PRKN: variants seen among roughly 807,000 people sequenced by gnomAD.
PRKN encodes E3 ubiquitin-protein ligase parkin.
PRKN carries 56 observed loss-of-function variants against 59.5 expected under a neutral mutation model. The ratio of observed to expected loss-of-function variants is 0.94; its 90% CI spans 0.76 to 1.18. PRKN has a LOEUF of 1.18. Ranked by LOEUF, PRKN falls within the 50% of genes most tolerant of loss-of-function variation. The pLI, the probability that PRKN is intolerant of heterozygous loss-of-function variation, is 0.00. For synonymous variants in PRKN, 250 were observed against 222.1 expected, an observed-to-expected ratio of 1.13 and a Z score of -1.12; for missense variants, 657 against 596.4, an observed-to-expected ratio of 1.10 and a Z score of -1.06.
chr6:162,670,756 G>T (rs1004709089), intron 1 of PRKN, among the ~76,000 whole-genome samples: 3 of 152,102 alleles, frequency 2.0e-5, no homozygotes, highest in African/African-American at 4.8e-5. Context: ...AAAAATGTAA[G>T]ATTAAATATA....
intron 1 of PRKN, among the ~76,000 whole-genome samples, chr6:162,580,361 C>A (rs1252470131): frequency 6.6e-6 from 1 of 151,478 alleles, no homozygotes; most frequent in Non-Finnish European, 1.5e-5. Context: ...TCACATGAGC[C>A]CAGGAAGGTG....
At chr6:162,643,684 T>G (rs550771421) in intron 1 of PRKN, among the ~76,000 whole-genome samples, 1 of 152,280 alleles carries the variant, frequency 6.6e-6, no homozygotes, top group East Asian at 1.9e-4. Context: ...AATATTAATT[T>G]CATGTTTATT....
At chr6:161,477,378 G>C (rs1445371195) in intron 9 of PRKN, among the ~76,000 whole-genome samples, 1 of 151,966 alleles carries the variant, frequency 6.6e-6, no homozygotes, top group Non-Finnish European at 1.5e-5. Flanking sequence ...TTATCCAGGC[G>C]TGGTGGCACA....
chr6:162,174,132 G>A (rs1409275764), intron 4 of PRKN, among the ~76,000 whole-genome samples: 1 of 152,156 alleles, frequency 6.6e-6, no homozygotes, highest in African/African-American at 2.4e-5. Flanking sequence ...AGTGCATTTT[G>A]TATACAGTTT....
At chr6:162,494,995 A>G (rs1267059435) in intron 1 of PRKN, among the ~76,000 whole-genome samples, 4 of 152,246 alleles carry the variant, frequency 2.6e-5, no homozygotes, top group African/African-American at 9.6e-5. Flanking sequence ...ACTGGAAACC[A>G]TTGATTTCAG....
chr6:161,768,784 T>C (rs771491223), intron 7 of PRKN, among the ~76,000 whole-genome samples: 3 of 152,210 alleles, frequency 2.0e-5, no homozygotes, highest in South Asian at 2.1e-4. Flanking sequence ...ATTACTCATC[T>C]GCAGCCTATT....
In PRKN at chr6:162,144,101, G is replaced by A. The variant is rs562014544; in HGVS notation, c.534+57030C>T. ...AGGCAAAGAAAGGGGCTGGTGATGC[G>A]GCTTGCTATCACAGGCTCTCTCTCA... On this transcript the variant is annotated intron_variant, in intron 4 of 11. Coordinates refer to ENST00000366898, the MANE Select transcript of PRKN (RefSeq NM_004562.3). 1.9e-3 allele frequency among the ~76,000 whole-genome samples: 285 copies of A among 152,258 alleles called. 1 individual carries two copies. Among genetic ancestry groups the A allele is most frequent in the Middle Eastern group, 3.4e-3 (1 of 294 alleles).
intron 1 of PRKN, among the ~76,000 whole-genome samples, chr6:162,555,646 T>A (rs887273204): frequency 4.8e-5 from 7 of 145,904 alleles, no homozygotes; most frequent in African/African-American, 1.2e-4. Flanking sequence ...AAAAAAAAAA[T>A]TTAAGTTTCA....
intron 7 of PRKN, among the ~76,000 whole-genome samples, chr6:161,648,355 T>A (rs1358050523): frequency 6.6e-6 from 1 of 152,168 alleles, no homozygotes; most frequent in African/African-American, 2.4e-5. Flanking sequence ...TTCTGCCCAT[T>A]ATCCCAGTAT....
intron 9 of PRKN, among the ~76,000 whole-genome samples, chr6:161,426,238 A>T (rs567717063): frequency 6.6e-6 from 1 of 152,266 alleles, no homozygotes; most frequent in South Asian, 2.1e-4. Context: ...CAGGGATATG[A>T]TTCTATGCTA....
intron 4 of PRKN, among the ~76,000 whole-genome samples, chr6:162,070,784 T>C (rs942051006): frequency 6.6e-6 from 1 of 152,190 alleles, no homozygotes; most frequent in Non-Finnish European, 1.5e-5. Context: ...AATCTCATGC[T>C]GCCACTGATT....
intron 6 of PRKN, among the ~76,000 whole-genome samples, chr6:161,939,346 C>T (rs928723536): frequency 6.5e-5 from 8 of 122,838 alleles, no homozygotes; most frequent in African/African-American, 9.5e-5. Flanking sequence ...TGAGCCTGGG[C>T]GGTGGAGGTT....
At chr6:161,654,691 A>T (rs1479776233) in intron 7 of PRKN, among the ~76,000 whole-genome samples, 1 of 152,190 alleles carries the variant, frequency 6.6e-6, no homozygotes, top group East Asian at 1.9e-4. Flanking sequence ...CCACGTGTGT[A>T]TCTACGTAGG....
rs180784544 is a variant in PRKN, at chr6:162,057,915, T to C, written c.535-3741A>G. On this transcript the variant is annotated intron_variant, in intron 4 of 11. Transcript: ENST00000366898. ...TCTATTTTATTATATTGAATTCCCATATTCAACAGAGGATTTTAATTATGA... is the reference window on the plus strand; with the variant it reads ...TCTATTTTATTATATTGAATTCCCACATTCAACAGAGGATTTTAATTATGA... Among the ~76,000 whole-genome samples, 640 of 152,284 alleles carry C rather than the reference T, an allele frequency of 4.2e-3. 6 individuals carry two copies. Among genetic ancestry groups the C allele is most frequent in the Middle Eastern group, 0.02 (6 of 294 alleles).
At chr6:162,317,288 T>C (rs1166392147) in intron 2 of PRKN, among the ~76,000 whole-genome samples, 1 of 151,982 alleles carries the variant, frequency 6.6e-6, no homozygotes, top group African/African-American at 2.4e-5. Context: ...ACTGTTCCCA[T>C]GGTAGTGAAT....
At chr6:162,511,644 C>T (rs1019752905) in intron 1 of PRKN, among the ~76,000 whole-genome samples, 1 of 152,044 alleles carries the variant, frequency 6.6e-6, no homozygotes, top group Non-Finnish European at 1.5e-5. Flanking sequence ...AGAGATCATA[C>T]TAATAAAGCC....
At position 162,566,558 on chromosome 6, in the gene PRKN, T is replaced by A. The variant is rs565295206; in HGVS notation, c.8-123085A>T. On this transcript the variant is annotated intron_variant, in intron 1 of 11. Transcript: ENST00000366898. ...AGAAGTGGACAAATTCCTAGATACA[T>A]ACAACCTACCATTATTGAACCAGGC... Among the ~76,000 whole-genome samples the A allele has an allele frequency of 1.8e-4, 27 of 152,212 alleles. 1 individual carries two copies. The South Asian group carries it at 2.5e-3, about 14-fold the overall frequency.
In PRKN at chr6:161,548,128, T is replaced by C. The variant is rs914473540; in HGVS notation, c.1083+726A>G. Among the ~76,000 whole-genome samples the C allele has an allele frequency of 2.0e-5, 3 of 152,234 alleles. No individual in the cohort carries two copies. Among genetic ancestry groups the C allele is most frequent in the Admixed American group, 1.3e-4 (2 of 15,288 alleles). On this transcript the variant is annotated intron_variant, in intron 9 of 11. Transcript: ENST00000366898. This position sits in a 1 kb window ranked among gnomAD's most constrained non-coding sequence, Gnocchi z 4.2. ...GACTTTTATATGCACATACACTTTC[T>C]CACTTTTCCAGGCTGCATGAAATTT...
At chr6:161,873,510 A>G (rs946215376) in intron 6 of PRKN, among the ~76,000 whole-genome samples, 1 of 152,008 alleles carries the variant, frequency 6.6e-6, no homozygotes, top group Admixed American at 6.6e-5. Context: ...TGGAAAGGAA[A>G]ATCGCCGGTA....
Sources: allele counts gnomAD v4.1 joint callset (sites outside exome capture counted in the v4.1 genomes callset), GRCh38; gene constraint gnomAD v4.1.1; non-coding constraint Gnocchi (gnomAD v3.1); transcripts MANE v1.5; gene names NCBI Gene and HGNC (gene_info 2026-07-23, HGNC 2026-07-21).